The following PNKD variants were observed in gnomAD, a reference collection of about 807,000 sequenced individuals.
The protein encoded by PNKD is probable thioesterase PNKD.
A neutral mutation model predicts 45.3 loss-of-function variants in PNKD; 36 were observed. The observed-to-expected ratio is 0.80, with a 90% CI of 0.61 to 1.05. The LOEUF (loss-of-function observed/expected upper bound fraction) is 1.05. PNKD is among the 50% of genes least tolerant of loss of function. The probability of loss-of-function intolerance (pLI) is 0.00; values close to 1 mark genes in which losing one functional copy is unlikely to be tolerated. For synonymous variants in PNKD, 197 were observed against 210.1 expected (o/e 0.94, Z 0.54); for missense variants, 511 against 506.6 (o/e 1.01, Z -0.08).
chr2:218,278,183 A>G (rs1421627693), intron 2 of PNKD: 1 of 622,008 alleles, frequency 1.6e-6, no homozygotes, highest in Non-Finnish European at 2.8e-6. Flanking sequence ...GTGGCGCCAG[A>G]AACACCTGGA....
intron 1 of PNKD, 100 bp from the exon 2 acceptor site, chr2:218,271,281 C>T: frequency 1.0e-6 from 1 of 990,974 alleles, no homozygotes; most frequent in Non-Finnish European, 1.6e-6. Flanking sequence ...CTCCCCTTCC[C>T]CAGATCTCAG....
At chr2:218,274,598 T>A (rs1329888694) in intron 2 of PNKD, 4 of 155,328 alleles carry the variant, frequency 2.6e-5, no homozygotes, top group African/African-American at 9.6e-5. Context: ...GAGTCTCTCT[T>A]CACCCTGGCT....
At chr2:218,341,016 T>A in intron 5 of PNKD, 2 of 594,242 alleles carry the variant, frequency 3.4e-6, no homozygotes, top group South Asian at 3.9e-5. Context: ...CATTTCTCTT[T>A]CATTTCATGG....
intron 2 of PNKD, chr2:218,323,291 G>C: frequency 6.4e-7 from 1 of 1,551,780 alleles, no homozygotes; most frequent in Non-Finnish European, 8.6e-7. Flanking sequence ...GCTGGCCCGC[G>C]GCGTGGCAGT....
At chr2:218,270,871 C>T (rs183544118) in intron 1 of PNKD, 63 of 390,078 alleles carry the variant, frequency 1.6e-4, no homozygotes, top group Admixed American at 4.3e-4. Flanking sequence ...TCACACTCAC[C>T]GCAGTGCAGA....
At chr2:218,311,527 A>C (rs1204207776) in intron 2 of PNKD, among the ~76,000 whole-genome samples, 5 of 152,198 alleles carry the variant, frequency 3.3e-5, no homozygotes, top group Non-Finnish European at 4.4e-5. Context: ...AATAAGTTCA[A>C]GGAAAGGTAC....
rs753191477 is a variant in PNKD at position 218,302,219 on chromosome 2, G to A, written c.236+30670G>A. ...AAAAATTAGCCAGGCATGGTGGTGC[G>A]CACATGTAGTCCCAGCTACTCGGGA... On this transcript the variant is annotated intron_variant, in intron 2 of 9. Transcript: ENST00000273077. 8.0e-4 allele frequency among the ~76,000 whole-genome samples: 122 copies of A among 152,252 alleles called. No individual in the cohort carries two copies. In the Middle Eastern group the frequency reaches 0.034, roughly 42 times the overall value.
chr2:218,339,943 C>A, intron 3 of PNKD, 45 bp downstream of exon 3: 1 of 1,476,356 alleles, frequency 6.8e-7, no homozygotes, highest in Non-Finnish European at 9.4e-7. Flanking sequence ...TCTGTGCCCC[C>A]ACCCTCCCCG....
In PNKD at chr2:218,295,162, A is replaced by G. The variant is rs534723045; in HGVS notation, c.236+23613A>G. 4.4e-4 allele frequency among the ~76,000 whole-genome samples: 67 copies of G among 152,364 alleles called. 1 individual carries two copies. The highest frequency in any genetic ancestry group is 1.6e-3 in the African/African-American group (66 of 41,584). ...AAATAACACCTGAAGCGCCTGGCCC[A>G]GAGCAGCAGTGCTTCGCTGGCAATA... On this transcript the variant is annotated intron_variant, in intron 2 of 9. Transcript: ENST00000273077.
At chr2:218,288,919 T>G (rs1034981177) in intron 2 of PNKD, among the ~76,000 whole-genome samples, 1 of 152,206 alleles carries the variant, frequency 6.6e-6, no homozygotes, top group African/African-American at 2.4e-5. Flanking sequence ...CTGTGAGGTA[T>G]TCTTACCCTC....
chr2:218,311,030 G>T (rs529372736), intron 2 of PNKD, among the ~76,000 whole-genome samples: 1 of 152,348 alleles, frequency 6.6e-6, no homozygotes, highest in African/African-American at 2.4e-5. Context: ...CTAGGTTTGT[G>T]TAAGTACACA....
At chr2:218,298,682 C>G (rs1693202350) in intron 2 of PNKD, among the ~76,000 whole-genome samples, 1 of 152,088 alleles carries the variant, frequency 6.6e-6, no homozygotes, top group Non-Finnish European at 1.5e-5. Context: ...GAGCTGGGAG[C>G]TCAGCAGGGC....
In PNKD at chr2:218,342,067, T is replaced by C. The variant is rs774970618; in HGVS notation, c.704T>C (p.Val235Ala). The C allele has an allele frequency of 3.7e-6, 6 of 1,613,344 alleles. No homozygotes were observed. In the African/African-American group the frequency reaches 8.0e-5, roughly 22 times the overall value. ...CCTGGCCACACACAAGGCCATCTGG[T>C]CTACCTACTGGATGGGGAGCCCTAC... is the stretch of plus-strand genomic sequence containing the variant. The part of the protein sequence containing the change: ...ATPGHTQGHL[V>A]YLLDGEPYKG... The change falls in exon 7 of 10, where the codon GTC (valine) becomes GCC (alanine). Residue 235 changes from valine (V) to alanine (A), a missense_variant. Val to Ala is a moderately conservative substitution (Grantham distance 64). Coordinates refer to ENST00000273077, the MANE Select transcript of PNKD (RefSeq NM_015488.5).
At chr2:218,313,583 G>T (rs1158148455) in intron 2 of PNKD, among the ~76,000 whole-genome samples, 1 of 152,142 alleles carries the variant, frequency 6.6e-6, no homozygotes, top group East Asian at 1.9e-4. Context: ...TTTGTTGCAA[G>T]ATCTCTAGGT....
At chr2:218,293,578 T>TG (rs1693051812) in intron 2 of PNKD, among the ~76,000 whole-genome samples, 1 of 105,666 alleles carries the variant, frequency 9.5e-6, no homozygotes, top group Non-Finnish European at 2.1e-5. Context: ...CCACTGAATG[T>TG]CCTTTTTTTT....
intron 2 of PNKD, among the ~76,000 whole-genome samples, chr2:218,330,180 G>T (rs541775915): frequency 6.6e-6 from 1 of 152,322 alleles, no homozygotes; most frequent in African/African-American, 2.4e-5. Flanking sequence ...GGGAGGCAGA[G>T]CCCCTGTTAT....
chr2:218,306,108 T>A (rs777564303), intron 2 of PNKD, among the ~76,000 whole-genome samples: 1 of 152,032 alleles, frequency 6.6e-6, no homozygotes, highest in African/African-American at 2.4e-5. Flanking sequence ...TCTAGGATAG[T>A]GATCAGGGCA....
intron 2 of PNKD, chr2:218,275,436 G>A (rs74675992): frequency 7.5e-6 from 12 of 1,592,406 alleles, no homozygotes; most frequent in Non-Finnish European, 1.0e-5. Context: ...TAGCTTGGAA[G>A]GGAGAGCCCA....
chr2:218,295,656 G>A (rs1265425400), intron 2 of PNKD, among the ~76,000 whole-genome samples: 1 of 151,994 alleles, frequency 6.6e-6, no homozygotes, highest in African/African-American at 2.4e-5. Flanking sequence ...AGGAAATAGG[G>A]CTGGCCAAGG....
Sources: allele counts gnomAD v4.1 joint callset (sites outside exome capture counted in the v4.1 genomes callset), GRCh38; gene constraint gnomAD v4.1.1; transcripts MANE v1.5; gene names NCBI Gene and HGNC (gene_info 2026-07-23, HGNC 2026-07-21).